Variants in CNTN5 observed in about 807,000 individuals in gnomAD.
CNTN5 encodes contactin 5.
Under a neutral mutation model 129.1 loss-of-function variants are expected in CNTN5, and 77 were observed. The ratio of observed to expected loss-of-function variants is 0.60; its 90% CI spans 0.50 to 0.72. The LOEUF (loss-of-function observed/expected upper bound fraction) is 0.72. Among genes scored for constraint, CNTN5 ranks in the 30% least tolerant of loss-of-function variants. The probability of loss-of-function intolerance (pLI) is 0.00; values close to 1 mark genes in which losing one functional copy is unlikely to be tolerated. For missense variants in CNTN5, 1,478 were observed against 1,328.8 expected (o/e 1.11, Z -1.75); for synonymous variants, 509 against 465.6 (o/e 1.09, Z -1.20).
chr11:100,020,874 G>A (rs570825163), intron 9 of CNTN5, among the ~76,000 whole-genome samples: 1 of 152,122 alleles, frequency 6.6e-6, no homozygotes, highest in South Asian at 2.1e-4. Flanking sequence ...GGAGGTTAAA[G>A]GTTTGTACAC....
At chr11:100,347,122 AC>A in intron 23 of CNTN5, among the ~76,000 whole-genome samples, 1 of 152,238 alleles carries the variant, frequency 6.6e-6, no homozygotes, top group East Asian at 1.9e-4. Context: ...ACACAGCCAA[AC>A]CATATCAAAT....
At chr11:99,213,737 C>G (rs1591368122) in intron 1 of CNTN5, among the ~76,000 whole-genome samples, 1 of 152,162 alleles carries the variant, frequency 6.6e-6, no homozygotes, top group African/African-American at 2.4e-5. Flanking sequence ...TTGTTACATA[C>G]TTCTAAGATA....
At chr11:99,153,056 T>A (rs1446756715) in intron 1 of CNTN5, among the ~76,000 whole-genome samples, 1 of 152,200 alleles carries the variant, frequency 6.6e-6, no homozygotes, top group Non-Finnish European at 1.5e-5. Context: ...CTGCCCCTTC[T>A]CTCTAGCTGC....
chr11:100,039,129 G>T (rs1427141441), intron 9 of CNTN5, among the ~76,000 whole-genome samples: 1 of 152,122 alleles, frequency 6.6e-6, no homozygotes, highest in African/African-American at 2.4e-5. Flanking sequence ...TCCATGTTTA[G>T]TGCTTCCTTC....
At chr11:100,040,686 T>A (rs1317730841) in intron 9 of CNTN5, among the ~76,000 whole-genome samples, 2 of 151,982 alleles carry the variant, frequency 1.3e-5, no homozygotes, top group South Asian at 2.1e-4. Flanking sequence ...TGGGCGCCCC[T>A]CCCCCAGCCT....
At chr11:99,317,678 C>CT (rs1204674171) in intron 1 of CNTN5, among the ~76,000 whole-genome samples, 1 of 152,114 alleles carries the variant, frequency 6.6e-6, no homozygotes, top group Admixed American at 6.5e-5. Flanking sequence ...GCACTGATAA[C>CT]TTGTTTCGTA....
intron 6 of CNTN5, among the ~76,000 whole-genome samples, chr11:99,850,903 C>T (rs550148785): frequency 1.3e-5 from 2 of 152,304 alleles, no homozygotes; most frequent in African/African-American, 2.4e-5. Context: ...GCAACCCCTA[C>T]AGCATCCCTA....
At chr11:99,430,275 T>G (rs1943306264) in intron 2 of CNTN5, among the ~76,000 whole-genome samples, 1 of 151,906 alleles carries the variant, frequency 6.6e-6, no homozygotes, top group Non-Finnish European at 1.5e-5. Flanking sequence ...GTGTTTTCTT[T>G]TTTGTTTAAA....
At chr11:100,312,517 C>T (rs775187211) in intron 21 of CNTN5, among the ~76,000 whole-genome samples, 2 of 151,980 alleles carry the variant, frequency 1.3e-5, no homozygotes, top group Non-Finnish European at 2.9e-5. Flanking sequence ...ATAATGAACC[C>T]ATAAAGCTTA....
chr11:99,964,293 G>A (rs931868960), intron 8 of CNTN5, among the ~76,000 whole-genome samples: 1 of 152,126 alleles, frequency 6.6e-6, no homozygotes, highest in Non-Finnish European at 1.5e-5. Flanking sequence ...TATTGGCTGT[G>A]GGTTTGTCAT....
intron 13 of CNTN5, among the ~76,000 whole-genome samples, chr11:100,158,170 C>CTAAAAATGATCTATCTAGA (rs1947320601): frequency 6.6e-6 from 1 of 151,680 alleles, no homozygotes. Flanking sequence ...AACTACAAAG[C>CTAAAAATGATCTATCTAGA]TAAAAATGAT....
In CNTN5 at chr11:99,358,255, A is replaced by ACTT. The variant is rs1425138820; in HGVS notation, c.-71+32771_-71+32772insCTT. 3.4e-4 allele frequency among the ~76,000 whole-genome samples: 16 copies of ACTT among 46,926 alleles called. 1 individual carries two copies. In the East Asian group the frequency reaches 0.012, roughly 34 times the overall value. 30.8% of individuals were successfully genotyped at this position (46,926 alleles called of 152,430 possible). A position where few individuals can be genotyped will look rare whatever the true frequency, so the allele number is the denominator to read the frequency against. On this transcript the variant is annotated intron_variant, in intron 2 of 24. Coordinates refer to ENST00000524871, the MANE Select transcript of CNTN5 (RefSeq NM_014361.4). Reference sequence around the variant, plus strand: ...AGGCGCCCGCCACCACGCCCTGCTGATTTTTTTTTTTTTTTTTTTTAGTAG... The same window carrying ACTT: ...AGGCGCCCGCCACCACGCCCTGCTGACTTTTTTTTTTTTTTTTTTTTTTAGTAG...
At chr11:100,123,702 G>C (rs1946096104) in intron 13 of CNTN5, among the ~76,000 whole-genome samples, 1 of 151,966 alleles carries the variant, frequency 6.6e-6, no homozygotes, top group South Asian at 2.1e-4. Flanking sequence ...AAGATATCTA[G>C]CTTTGAGTAC....
intron 8 of CNTN5, among the ~76,000 whole-genome samples, chr11:99,977,625 C>T (rs1452118131): frequency 6.6e-6 from 1 of 152,084 alleles, no homozygotes; most frequent in African/African-American, 2.4e-5. Flanking sequence ...GTGGAAATGC[C>T]ACACCTTTAA....
chr11:99,129,446 A>T (rs188041233), intron 1 of CNTN5, among the ~76,000 whole-genome samples: 2 of 152,284 alleles, frequency 1.3e-5, no homozygotes, highest in East Asian at 3.9e-4. Context: ...CAAACCTCTG[A>T]GAACTATGGG....
chr11:100,249,855 G>A (rs985579884), intron 16 of CNTN5, among the ~76,000 whole-genome samples: 2 of 152,064 alleles, frequency 1.3e-5, no homozygotes, highest in Non-Finnish European at 2.9e-5. Context: ...TATACAAGAA[G>A]CTTATGCCAG....
chr11:99,454,508 C>T (rs1200647300), intron 2 of CNTN5, among the ~76,000 whole-genome samples: 3 of 152,086 alleles, frequency 2.0e-5, no homozygotes, highest in African/African-American at 7.2e-5. Flanking sequence ...GAAGAAGGTG[C>T]CTTGCTTCCC....
At chr11:99,413,627 A>G (rs796363050) in intron 2 of CNTN5, among the ~76,000 whole-genome samples, 3 of 152,226 alleles carry the variant, frequency 2.0e-5, no homozygotes, top group African/African-American at 7.2e-5. Context: ...TCAAAAAACA[A>G]AACAAAACAA....
intron 3 of CNTN5, among the ~76,000 whole-genome samples, chr11:99,788,572 C>G (rs1382475164): frequency 6.6e-6 from 1 of 151,690 alleles, no homozygotes; most frequent in African/African-American, 2.4e-5. Flanking sequence ...CAGTACTGAC[C>G]CCATACAAGT....
Sources: gnomAD v4.1 joint callset for allele counts (sites outside exome capture counted in the v4.1 genomes callset) on GRCh38, gnomAD v4.1.1 for gene constraint, MANE v1.5 for transcripts, NCBI Gene and HGNC (gene_info 2026-07-23, HGNC 2026-07-21) for gene names.